Variants in CRTC1 observed in about 807,000 individuals in gnomAD.
CRTC1 encodes CREB-regulated transcription coactivator 1.
In CRTC1, 18 loss-of-function variants were observed where a neutral mutation model predicts 66.1. The observed-to-expected ratio is 0.27, with a 90% CI of 0.19 to 0.40. The LOEUF (loss-of-function observed/expected upper bound fraction) is 0.40. CRTC1 is among the 10% of genes least tolerant of loss of function. The pLI is 1.00. For missense variants in CRTC1, 669 were observed against 887.9 expected, an observed-to-expected ratio of 0.75 and a Z score of 3.13; for synonymous variants, 416 against 398.8, an observed-to-expected ratio of 1.04 and a Z score of -0.51.
At chr19:18,739,187 G>GC (rs1568512339) in intron 1 of CRTC1, among the ~76,000 whole-genome samples, 1 of 152,218 alleles carries the variant, frequency 6.6e-6, no homozygotes, top group Non-Finnish European at 1.5e-5. Flanking sequence ...TTCACCTGTC[G>GC]CCCCGCTTGT....
At chr19:18,775,941 T>C in intron 13 of CRTC1, 120 bp downstream of exon 13, 2 of 1,105,126 alleles carry the variant, frequency 1.8e-6, no homozygotes, top group Non-Finnish European at 2.5e-6. Flanking sequence ...TGACCCAAGC[T>C]TGATGGGGGC....
intron 1 of CRTC1, among the ~76,000 whole-genome samples, chr19:18,698,048 C>T (rs995755024): frequency 5.9e-5 from 9 of 151,550 alleles, no homozygotes; most frequent in South Asian, 2.1e-4. Flanking sequence ...AGCAGGTGCA[C>T]GGTGTGTTCT....
At chr19:18,731,360 G>A (rs903780565) in intron 1 of CRTC1, among the ~76,000 whole-genome samples, 1 of 152,184 alleles carries the variant, frequency 6.6e-6, no homozygotes, top group East Asian at 1.9e-4. Context: ...TTGTAGACGC[G>A]GCACCCCGAT....
intron 8 of CRTC1, among the ~76,000 whole-genome samples, chr19:18,765,179 C>T (rs2054700867): frequency 6.6e-6 from 1 of 152,168 alleles, no homozygotes; most frequent in African/African-American, 2.4e-5. Context: ...TGTGAGACAC[C>T]CCCTTCCTGG....
intron 1 of CRTC1, among the ~76,000 whole-genome samples, chr19:18,728,362 T>C (rs962684551): frequency 7.2e-5 from 11 of 152,154 alleles, no homozygotes; most frequent in African/African-American, 2.2e-4. Flanking sequence ...CCAGGATGCA[T>C]TGTGGGTAAG....
intron 6 of CRTC1, among the ~76,000 whole-genome samples, chr19:18,755,812 A>G (rs1028304084): frequency 2.0e-5 from 3 of 151,726 alleles, no homozygotes; most frequent in Non-Finnish European, 4.4e-5. Flanking sequence ...TTCGTTGCCC[A>G]GGCTGGTCTC....
chr19:18,749,170 C>T (rs904640866), intron 4 of CRTC1, among the ~76,000 whole-genome samples: 1 of 152,216 alleles, frequency 6.6e-6, no homozygotes, highest in Non-Finnish European at 1.5e-5. Flanking sequence ...AAGAGCCTCT[C>T]CTGGGCTAGT....
chr19:18,713,341 G>T (rs906777677), intron 1 of CRTC1, among the ~76,000 whole-genome samples: 2 of 152,230 alleles, frequency 1.3e-5, no homozygotes, highest in Non-Finnish European at 2.9e-5. Flanking sequence ...GAACAGAGCT[G>T]CATGGACATG....
intron 1 of CRTC1, among the ~76,000 whole-genome samples, chr19:18,705,509 G>A (rs2053242199): frequency 6.6e-6 from 1 of 152,112 alleles, no homozygotes; most frequent in African/African-American, 2.4e-5. Context: ...ATGGAGATGG[G>A]GGTTTCACCA....
Position 18,781,297 on chromosome 19 carries a change from G to T in CRTC1, c.*3915G>T. 3 of 228,436 alleles carry T rather than the reference G, an allele frequency of 1.3e-5. No homozygotes were observed. The allele number at this position is 228,436 out of a possible 1,614,324, so 14.2% of individuals were successfully genotyped here. Reference sequence around the variant, plus strand: ...CTCGGCCCCTCACTCACCCTGGGAGGCCTGCCTGGGCTACATGGACACCTG... The same window carrying T: ...CTCGGCCCCTCACTCACCCTGGGAGTCCTGCCTGGGCTACATGGACACCTG... On this transcript the variant is annotated 3_prime_UTR_variant, in exon 14 of 14. Transcript: ENST00000321949.
At chr19:18,690,307 C>T (rs539325810) in intron 1 of CRTC1, among the ~76,000 whole-genome samples, 1 of 152,280 alleles carries the variant, frequency 6.6e-6, no homozygotes, top group Admixed American at 6.5e-5. Context: ...GGGCTGCAGG[C>T]ACAGCGCAGT....
intron 1 of CRTC1, among the ~76,000 whole-genome samples, chr19:18,694,298 CAAAAA>C (rs202211420): frequency 1.1e-5 from 1 of 91,320 alleles, no homozygotes; most frequent in Non-Finnish European, 2.3e-5. Flanking sequence ...GACTCCATCT[CAAAAA>C]AAAAAAAAAA....
chr19:18,745,951 C>T lies in CRTC1; in HGVS notation c.372C>T (p.His124=), dbSNP rs766754576. 13 of 1,610,188 alleles carry T rather than the reference C, an allele frequency of 8.1e-6. No homozygotes were observed. The highest frequency in any genetic ancestry group is 4.4e-5 in the South Asian group (4 of 90,854). Residue 124 remains histidine, a synonymous_variant, in exon 3 of 14, where the codon CAC becomes CAT. Coordinates refer to ENST00000321949, the MANE Select transcript of CRTC1 (RefSeq NM_015321.3). ...GCCGGCCCCTGTCAGTGGACAAACA[C>T]GGACGGCAGATATCCTTTTCACCAG... ...PHRRPLSVDK[H]GRQADSCPYG... is the part of the protein sequence containing the mutation.
chr19:18,746,415 A>G (rs1164477350), intron 3 of CRTC1, among the ~76,000 whole-genome samples: 1 of 152,120 alleles, frequency 6.6e-6, no homozygotes, highest in East Asian at 1.9e-4. Context: ...GGGAGGCTCC[A>G]TCTCTGTAAG....
chr19:18,736,992 C>A (rs1447004253), intron 1 of CRTC1, among the ~76,000 whole-genome samples: 1 of 152,200 alleles, frequency 6.6e-6, no homozygotes, highest in Non-Finnish European at 1.5e-5. Flanking sequence ...GCCCGAACAT[C>A]TCTCCACATC....
chr19:18,685,423 T>C (rs979650782), intron 1 of CRTC1, among the ~76,000 whole-genome samples: 3 of 152,090 alleles, frequency 2.0e-5, no homozygotes, highest in African/African-American at 7.2e-5. Context: ...TTTGGAAGGC[T>C]GAGGCAGTGG....
rs1377139908 is a variant in CRTC1, at chr19:18,741,363, G to C, written c.127-1547G>C. Among the ~76,000 whole-genome samples the C allele has an allele frequency of 1.3e-5, 2 of 152,198 alleles. No homozygotes were observed. Among genetic ancestry groups the C allele is most frequent in the African/African-American group, 2.4e-5 (1 of 41,452 alleles). ...GTACCTGCTGTGTCACACGTCGTGT[G>C]TCCCTCTCACACCCGCCTGTAGCAC... On this transcript the variant is annotated intron_variant, in intron 1 of 13. Coordinates refer to ENST00000321949, the MANE Select transcript of CRTC1 (RefSeq NM_015321.3). This position sits in a 1 kb window ranked among gnomAD's most constrained non-coding sequence, Gnocchi z 4.2.
Position 18,765,547 on chromosome 19 carries a change from G to A in CRTC1, c.1011+19G>A, listed in dbSNP as rs531888092. 6 of 1,593,360 alleles carry A rather than the reference G, an allele frequency of 3.8e-6. No homozygotes were observed. The South Asian group carries it at 5.6e-5, about 15-fold the overall frequency. On this transcript the variant is annotated intron_variant, in intron 9 of 13. Transcript: ENST00000321949. Reference sequence around the variant, plus strand: ...CACTCAGGTGCGAGGGCAAGGTGGGGGGCAGGTGGGAGGGGGAAAGGGAAA... The same window carrying A: ...CACTCAGGTGCGAGGGCAAGGTGGGAGGCAGGTGGGAGGGGGAAAGGGAAA...
At chr19:18,774,255 C>T (rs1455870966) in intron 11 of CRTC1, among the ~76,000 whole-genome samples, 1 of 152,194 alleles carries the variant, frequency 6.6e-6, no homozygotes, top group Non-Finnish European at 1.5e-5. Flanking sequence ...GTCTCCACCA[C>T]CCATAAGGTC....
Sources: gnomAD v4.1 joint callset for allele counts (sites outside exome capture counted in the v4.1 genomes callset) on GRCh38, gnomAD v4.1.1 for gene constraint, Gnocchi (gnomAD v3.1) non-coding constraint, MANE v1.5 for transcripts, NCBI Gene and HGNC (gene_info 2026-07-23, HGNC 2026-07-21) for gene names.